Variants in MAP3K5 observed in about 807,000 individuals in gnomAD.
MAP3K5 encodes the protein mitogen-activated protein kinase kinase kinase 5, also known as ASK-1.
A neutral mutation model predicts 158.7 loss-of-function variants in MAP3K5; 56 were observed. That is an observed-to-expected ratio of 0.35 (90% CI 0.28 to 0.44). The LOEUF (loss-of-function observed/expected upper bound fraction) is 0.44. MAP3K5 is among the 20% of genes least tolerant of loss of function. The pLI, the probability that MAP3K5 is intolerant of heterozygous loss-of-function variation, is 1.00. For synonymous variants in MAP3K5, 579 were observed against 601.7 expected, an observed-to-expected ratio of 0.96 and a Z score of 0.55; for missense variants, 1,294 against 1,674.8, an observed-to-expected ratio of 0.77 and a Z score of 3.97.
intron 3 of MAP3K5, among the ~76,000 whole-genome samples, chr6:136,700,475 C>T (rs913670197): frequency 6.6e-6 from 1 of 152,182 alleles, no homozygotes; most frequent in African/African-American, 2.4e-5. Flanking sequence ...TAACAGAAAG[C>T]AAGAATTCAG....
intron 7 of MAP3K5, among the ~76,000 whole-genome samples, chr6:136,681,873 C>T (rs1016354833): frequency 5.9e-5 from 9 of 151,964 alleles, no homozygotes; most frequent in African/African-American, 1.9e-4. Context: ...GAGCCAAGAT[C>T]GTGCCATTGC....
At chr6:136,617,892 C>T (rs539077096) in intron 15 of MAP3K5, among the ~76,000 whole-genome samples, 12 of 152,276 alleles carry the variant, frequency 7.9e-5, no homozygotes, top group African/African-American at 2.9e-4. Context: ...GAGATCGCGC[C>T]ACTGCACTCC....
At chr6:136,788,971 T>C (rs1784954944) in intron 1 of MAP3K5, among the ~76,000 whole-genome samples, 1 of 152,202 alleles carries the variant, frequency 6.6e-6, no homozygotes, top group Non-Finnish European at 1.5e-5. Context: ...TTCTCACTCA[T>C]AAGTGGGAGC....
intron 1 of MAP3K5, among the ~76,000 whole-genome samples, chr6:136,761,839 C>T (rs1159973231): frequency 1.3e-5 from 2 of 152,108 alleles, no homozygotes; most frequent in African/African-American, 4.8e-5. Context: ...TCCGACAGCA[C>T]AGAGAAGCGA....
chr6:136,572,895 G>A (rs73777930), intron 25 of MAP3K5, among the ~76,000 whole-genome samples: 4,325 of 152,238 alleles, frequency 0.028, 218 homozygotes, highest in African/African-American at 0.097. Context: ...ACACAGAAGA[G>A]CGCTGAGAGC....
chr6:136,680,771 A>T (rs151194810), intron 7 of MAP3K5, among the ~76,000 whole-genome samples: 2 of 152,244 alleles, frequency 1.3e-5, no homozygotes, highest in Non-Finnish European at 2.9e-5. Flanking sequence ...AATAGTTTTC[A>T]TATGTACACT....
rs919436484 is a variant in MAP3K5, at chr6:136,773,175, A to G, written c.448+18535T>C. On this transcript the variant is annotated intron_variant, in intron 1 of 29. Coordinates refer to ENST00000359015, the MANE Select transcript of MAP3K5 (RefSeq NM_005923.4). ...CACATTCCCATGGAAACCCTGTTAA[A>G]TAACACCTGAGCCCACAAAGGCCTA... 2.6e-5 allele frequency among the ~76,000 whole-genome samples: 4 copies of G among 152,334 alleles called. No individual in the cohort carries two copies. In the South Asian group the frequency reaches 8.3e-4, roughly 32 times the overall value.
At position 136,792,282 on chromosome 6, in the gene MAP3K5, C is replaced by G; in HGVS notation, c.-125G>C. On this transcript the variant is annotated 5_prime_UTR_variant, in exon 1 of 30. Transcript: ENST00000359015. The surrounding 1 kb of genome is among the most constrained non-coding windows in gnomAD (Gnocchi z 5.7). Reference sequence around the variant, plus strand: ...GCTGCCATCGCGCGCCGCGCCCTCGCCGCCGCGCCGCCGCCTCCTCTCCGG... The same window carrying G: ...GCTGCCATCGCGCGCCGCGCCCTCGGCGCCGCGCCGCCGCCTCCTCTCCGG... 9.2e-7 allele frequency: 1 copy of G among 1,090,618 alleles called. No homozygotes were observed. Among genetic ancestry groups the G allele is most frequent in the Non-Finnish European group, 1.1e-6 (1 of 903,956 alleles). The allele number at this position is 1,090,618 out of a possible 1,614,324, so 67.6% of individuals were successfully genotyped here. A position where few individuals can be genotyped will look rare whatever the true frequency, so the allele number is the denominator to read the frequency against.
chr6:136,576,475 T>A (rs1207411572), intron 25 of MAP3K5, among the ~76,000 whole-genome samples: 5 of 152,136 alleles, frequency 3.3e-5, no homozygotes, highest in Non-Finnish European at 7.4e-5. Context: ...CTGCCTAATT[T>A]ATTTTTATTT....
rs571906107 is a variant in MAP3K5 at position 136,751,338 on chromosome 6, G to T, written c.449-30749C>A. On this transcript the variant is annotated intron_variant, in intron 1 of 29. Transcript: ENST00000359015. ...CAGATGGCACTGCTGTAGCCCATGG[G>T]AATTTGTGAGAGTTAGAATTTACTA... 4.1e-3 allele frequency among the ~76,000 whole-genome samples: 617 copies of T among 152,226 alleles called. 13 individuals are homozygous for T. Among genetic ancestry groups the T allele is most frequent in the Non-Finnish European group, 2.5e-3 (173 of 68,022 alleles).
Position 136,643,148 on chromosome 6 carries a change from A to T in MAP3K5, c.1789-579T>A, listed in dbSNP as rs113459531. 2.3e-3 allele frequency among the ~76,000 whole-genome samples: 350 copies of T among 152,358 alleles called. 1 individual carries two copies. Among genetic ancestry groups the T allele is most frequent in the African/African-American group, 8.0e-3 (331 of 41,586 alleles). Reference sequence around the variant, plus strand: ...GCAAAATTCCATATGCTAATAAAGTATGAACATCAAAAATTTGATTGTCAT... The same window carrying T: ...GCAAAATTCCATATGCTAATAAAGTTTGAACATCAAAAATTTGATTGTCAT... On this transcript the variant is annotated intron_variant, in intron 11 of 29. Transcript: ENST00000359015.
At chr6:136,699,114 G>A (rs1271082543) in intron 3 of MAP3K5, among the ~76,000 whole-genome samples, 1 of 152,036 alleles carries the variant, frequency 6.6e-6, no homozygotes, top group Non-Finnish European at 1.5e-5. Flanking sequence ...AGTAGATCCC[G>A]CTCAAATCCA....
chr6:136,758,570 G>A (rs543017108), intron 1 of MAP3K5, among the ~76,000 whole-genome samples: 133 of 152,262 alleles, frequency 8.7e-4, no homozygotes, highest in African/African-American at 3.0e-3. Flanking sequence ...TTTGCAGTGT[G>A]GGCAGTCAAT....
chr6:136,571,188 T>C (rs1240783490), intron 25 of MAP3K5, among the ~76,000 whole-genome samples: 1 of 152,230 alleles, frequency 6.6e-6, no homozygotes, highest in Non-Finnish European at 1.5e-5. Flanking sequence ...GGCTACCCAA[T>C]TTCAAGTCCC....
intron 9 of MAP3K5, 128 bp downstream of exon 9, chr6:136,659,091 T>C: frequency 3.6e-6 from 3 of 840,646 alleles, no homozygotes; most frequent in Non-Finnish European, 5.4e-6. Context: ...TATCACAATT[T>C]TCCTCTATAT....
intron 1 of MAP3K5, among the ~76,000 whole-genome samples, chr6:136,734,573 T>C (rs1782374395): frequency 6.6e-6 from 1 of 152,122 alleles, no homozygotes; most frequent in Non-Finnish European, 1.5e-5. Context: ...TAAATTTAGA[T>C]CTCTATAAAC....
intron 14 of MAP3K5, among the ~76,000 whole-genome samples, chr6:136,626,877 T>G (rs959408970): frequency 3.9e-5 from 6 of 152,234 alleles, no homozygotes; most frequent in African/African-American, 1.4e-4. Flanking sequence ...ATCAGAAATT[T>G]TTTTTTCCAG....
intron 9 of MAP3K5, among the ~76,000 whole-genome samples, chr6:136,658,308 TC>T (rs200219619): frequency 0.23 from 25,166 of 111,690 alleles, 3,482 homozygotes; most frequent in Non-Finnish European, 0.29. Context: ...TTTCTTTCTT[TC>T]TTTCTTTTTT....
At chr6:136,632,560 G>A (rs552828957) in intron 14 of MAP3K5, among the ~76,000 whole-genome samples, 8 of 152,216 alleles carry the variant, frequency 5.3e-5, no homozygotes, top group Admixed American at 2.0e-4. Flanking sequence ...CTGGGGAGTC[G>A]CAGGATTAAA....
Sources: gnomAD v4.1 joint callset for allele counts (sites outside exome capture counted in the v4.1 genomes callset) on GRCh38, gnomAD v4.1.1 for gene constraint, Gnocchi (gnomAD v3.1) non-coding constraint, MANE v1.5 for transcripts, NCBI Gene and HGNC (gene_info 2026-07-23, HGNC 2026-07-21) for gene names.